Variants in CLIC4 observed in about 807,000 individuals in gnomAD.
CLIC4 encodes CLIC family member 4.
CLIC4 carries 13 observed loss-of-function variants against 24.6 expected under a neutral mutation model. The ratio of observed to expected loss-of-function variants is 0.53; its 90% CI spans 0.34 to 0.84. The LOEUF is 0.84. Among genes scored for constraint, CLIC4 ranks in the 40% least tolerant of loss-of-function variants. The probability of loss-of-function intolerance (pLI) is 0.01; values close to 1 mark genes in which losing one functional copy is unlikely to be tolerated. For missense variants in CLIC4, 227 were observed against 301.7 expected, an observed-to-expected ratio of 0.75 and a Z score of 1.83; for synonymous variants, 104 against 111.3, an observed-to-expected ratio of 0.93 and a Z score of 0.41.
intron 3 of CLIC4, 151 bp downstream of exon 3, chr1:24,814,370 T>G: frequency 1.1e-6 from 1 of 935,600 alleles, no homozygotes; most frequent in Admixed American, 2.8e-5. Context: ...GATATAAGAA[T>G]TGGCTTCCAG....
intron 4 of CLIC4, among the ~76,000 whole-genome samples, chr1:24,828,014 A>G (rs112942906): frequency 3.9e-5 from 6 of 152,338 alleles, no homozygotes; most frequent in Middle Eastern, 3.4e-3. Flanking sequence ...TCCTAGCTTG[A>G]GTGGGATTCT....
chr1:24,759,801 A>G (rs1638898081), intron 1 of CLIC4, among the ~76,000 whole-genome samples: 1 of 152,080 alleles, frequency 6.6e-6, no homozygotes, highest in Non-Finnish European at 1.5e-5. Context: ...TTGCAAAAAC[A>G]CAAAAATCTG....
intron 1 of CLIC4, among the ~76,000 whole-genome samples, chr1:24,785,854 C>CAAAGAA (rs1639259768): frequency 1.7e-5 from 1 of 58,852 alleles, no homozygotes; most frequent in Non-Finnish European, 2.9e-5. Flanking sequence ...GACTACAACT[C>CAAAGAA]AAAAAAAAAA....
intron 1 of CLIC4, among the ~76,000 whole-genome samples, chr1:24,762,858 A>AGG (rs1638945225): frequency 6.6e-6 from 1 of 152,166 alleles, no homozygotes; most frequent in East Asian, 1.9e-4. Flanking sequence ...ATAGCTGCAA[A>AGG]GGGGGATACA....
chr1:24,830,833 T>C lies in CLIC4; in HGVS notation c.415+3717T>C, dbSNP rs1003909635. On this transcript the variant is annotated intron_variant, in intron 4 of 5. Coordinates refer to ENST00000374379, the MANE Select transcript of CLIC4 (RefSeq NM_013943.3). ...TATTGGAGAATAATAGTGCTACTTATTAGCTATAAGACAGGGAGCTACTTT... is the reference window on the plus strand; with the variant it reads ...TATTGGAGAATAATAGTGCTACTTACTAGCTATAAGACAGGGAGCTACTTT... Among the ~76,000 whole-genome samples the C allele has an allele frequency of 5.9e-4, 90 of 152,242 alleles. 1 individual carries two copies. The highest frequency in any genetic ancestry group is 2.1e-3 in the African/African-American group (88 of 41,468).
intron 3 of CLIC4, among the ~76,000 whole-genome samples, chr1:24,815,341 A>T (rs926406657): frequency 6.6e-6 from 1 of 152,156 alleles, no homozygotes; most frequent in African/African-American, 2.4e-5. Context: ...CTACTAAAAA[A>T]TACAAAAAAA....
intron 1 of CLIC4, among the ~76,000 whole-genome samples, chr1:24,770,075 G>A (rs1639052588): frequency 6.6e-6 from 1 of 151,778 alleles, no homozygotes; most frequent in African/African-American, 2.4e-5. Flanking sequence ...TGCCTAAGAT[G>A]GTCTTGAACT....
intron 3 of CLIC4, among the ~76,000 whole-genome samples, chr1:24,815,188 A>T (rs1639655605): frequency 6.6e-6 from 1 of 152,194 alleles, no homozygotes; most frequent in African/African-American, 2.4e-5. Context: ...TATTGCATGT[A>T]CCTTAATTTA....
intron 3 of CLIC4, among the ~76,000 whole-genome samples, chr1:24,823,997 CACTT>C (rs1202888668): frequency 6.6e-6 from 1 of 152,148 alleles, no homozygotes; most frequent in African/African-American, 2.4e-5. Context: ...CTGTCATTGA[CACTT>C]AGCCTTTTAT....
At chr1:24,800,316 G>C (rs200790796) in intron 2 of CLIC4, among the ~76,000 whole-genome samples, 2 of 103,236 alleles carry the variant, frequency 1.9e-5, no homozygotes, top group South Asian at 8.2e-4. Flanking sequence ...CCCTCTGCCC[G>C]GCCAGCCGCC....
chr1:24,839,989 A>G lies in CLIC4; in HGVS notation c.545A>G (p.Asn182Ser), dbSNP rs757827510. The change falls in exon 5 of 6, where the codon AAT becomes AGT. Residue 182 changes from asparagine to serine, a missense_variant. Coordinates refer to ENST00000374379, the MANE Select transcript of CLIC4 (RefSeq NM_013943.3). The stretch of plus-strand genomic sequence containing the variant: ...TCTACACGTAAATTTCTGGATGGCA[A>G]TGAAATGACATTAGCTGATTGCAAC... ...KFSTRKFLDG[N>S]EMTLADCNLL... is the part of the protein sequence containing the mutation. The G allele has an allele frequency of 2.0e-5, 32 of 1,614,050 alleles. No individual in the cohort carries two copies. The highest frequency in any genetic ancestry group is 6.6e-5 in the South Asian group (6 of 91,084).
intron 4 of CLIC4, 108 bp downstream of exon 4, chr1:24,827,224 C>A: frequency 1.5e-6 from 1 of 667,710 alleles, no homozygotes; most frequent in South Asian, 1.9e-5. Flanking sequence ...CAGCCATTCC[C>A]ATAAGTAATA....
chr1:24,758,918 G>C (rs1187282662), intron 1 of CLIC4, among the ~76,000 whole-genome samples: 1 of 152,040 alleles, frequency 6.6e-6, no homozygotes, highest in African/African-American at 2.4e-5. Flanking sequence ...GCACTGATCT[G>C]ATATGTAACA....
At chr1:24,825,890 G>T (rs1639783005) in intron 3 of CLIC4, among the ~76,000 whole-genome samples, 2 of 152,148 alleles carry the variant, frequency 1.3e-5, no homozygotes, top group Admixed American at 6.5e-5. Context: ...ACACTGTAAG[G>T]TTTTTTCTAA....
At chr1:24,819,628 G>A (rs1261438740) in intron 3 of CLIC4, among the ~76,000 whole-genome samples, 1 of 151,866 alleles carries the variant, frequency 6.6e-6, no homozygotes, top group Non-Finnish European at 1.5e-5. Flanking sequence ...TAGTAGAGAT[G>A]GGATTTCACC....
Position 24,745,575 on chromosome 1 carries a change from A to T in CLIC4, c.22A>T (p.Asn8Tyr), listed in dbSNP as rs1434511274. Reference protein sequence around the residue: MALSMPLNGLKEEDKEPL... With the variant: MALSMPLYGLKEEDKEPL... ...GGCCATGGCGTTGTCGATGCCGCTG[A>T]ATGGGCTGAAGGAGGAGGACAAAGA... The change falls in exon 1 of 6, where the codon AAT (asparagine) becomes TAT (tyrosine). Residue 8 changes from asparagine (N) to tyrosine (Y), a missense_variant. Asn to Tyr is a moderately radical substitution (Grantham distance 143). Transcript: ENST00000374379. 1.3e-6 allele frequency: 2 copies of T among 1,592,698 alleles called. No individual in the cohort carries two copies. The highest frequency in any genetic ancestry group is 1.7e-6 in the Non-Finnish European group (2 of 1,172,166).
chr1:24,820,069 ATATATATATG>A (rs1299915508), intron 3 of CLIC4, among the ~76,000 whole-genome samples: 2 of 35,988 alleles, frequency 5.6e-5, no homozygotes, highest in African/African-American at 9.6e-5. Flanking sequence ...AAAAGTATGT[ATATATATATG>A]TATATATATA....
At chr1:24,788,732 G>A (rs558624341) in intron 1 of CLIC4, among the ~76,000 whole-genome samples, 11 of 152,070 alleles carry the variant, frequency 7.2e-5, no homozygotes, top group African/African-American at 1.9e-4. Flanking sequence ...TCTCCTTCTG[G>A]GAATATAGAA....
At chr1:24,826,886 G>T (rs746512750) in intron 3 of CLIC4, 124 bp from the exon 4 acceptor site, 3 of 590,242 alleles carry the variant, frequency 5.1e-6, no homozygotes, top group Non-Finnish European at 8.9e-6. Context: ...GAAAACAAAT[G>T]ATGGTATTTC....
Sources: gnomAD v4.1 joint callset for allele counts (sites outside exome capture counted in the v4.1 genomes callset) on GRCh38, gnomAD v4.1.1 for gene constraint, MANE v1.5 for transcripts, NCBI Gene and HGNC (gene_info 2026-07-23, HGNC 2026-07-21) for gene names.